The following ADGRV1 variants were observed in gnomAD, a reference collection of about 807,000 sequenced individuals.
ADGRV1 encodes the protein G-protein coupled receptor 98.
ADGRV1 carries 359 observed loss-of-function variants against 596.2 expected under a neutral mutation model. That is an observed-to-expected ratio of 0.60 (90% confidence interval 0.55 to 0.66). The LOEUF (loss-of-function observed/expected upper bound fraction) is 0.66. ADGRV1 is among the 30% of genes least tolerant of loss of function. The pLI is 0.00. For missense variants in ADGRV1, 7,274 were observed against 7,575.6 expected (o/e 0.96, Z 1.48); for synonymous variants, 2,681 against 2,679.2 (o/e 1.00, Z -0.02).
chr5:90,671,669 T>C (rs1772482997), intron 21 of ADGRV1, among the ~76,000 whole-genome samples: 1 of 152,216 alleles, frequency 6.6e-6, no homozygotes, highest in African/African-American at 2.4e-5. Context: ...ATATGAAAAA[T>C]ACAGATGGCA....
At chr5:90,777,336 A>G (rs1394761389) in intron 61 of ADGRV1, among the ~76,000 whole-genome samples, 2 of 152,168 alleles carry the variant, frequency 1.3e-5, no homozygotes, top group Non-Finnish European at 2.9e-5. Flanking sequence ...ACACTTCAAC[A>G]TGAGATTTAT....
intron 44 of ADGRV1, among the ~76,000 whole-genome samples, chr5:90,720,657 CTA>C (rs1253738034): frequency 1.3e-5 from 2 of 151,954 alleles, no homozygotes; most frequent in African/African-American, 2.4e-5. Flanking sequence ...TTTAATAGAT[CTA>C]GTTTCATTAA....
intron 22 of ADGRV1, among the ~76,000 whole-genome samples, chr5:90,673,763 GA>G (rs1443958919): frequency 6.6e-6 from 1 of 152,090 alleles, no homozygotes; most frequent in Non-Finnish European, 1.5e-5. Context: ...TCACTTTGGG[GA>G]TTAGATTTTA....
intron 33 of ADGRV1, among the ~76,000 whole-genome samples, chr5:90,696,490 G>GT (rs1301353575): frequency 1.3e-5 from 2 of 151,998 alleles, no homozygotes; most frequent in Non-Finnish European, 2.9e-5. Context: ...AGTGTTCCTG[G>GT]TTTTTCAGGA....
At chr5:90,709,596 A>C (rs1454469287) in intron 39 of ADGRV1, among the ~76,000 whole-genome samples, 6 of 152,210 alleles carry the variant, frequency 3.9e-5, no homozygotes, top group African/African-American at 1.4e-4. Context: ...AAAGGAAGAG[A>C]AGCATGGCCA....
Position 90,807,670 on chromosome 5 carries a change from T to G in ADGRV1, c.14905T>G (p.Trp4969Gly), listed in dbSNP as rs7729495. The change falls in exon 73 of 90, where the codon TGG (tryptophan) becomes GGG (glycine). Residue 4969 changes from tryptophan (W) to glycine (G), a missense_variant. Around this residue, in one of 5 missense-constraint regions of ADGRV1, gnomAD observed 1,874 missense variants for 1,970.2 expected, o/e 0.95. Coordinates refer to ENST00000405460, the MANE Select transcript of ADGRV1 (RefSeq NM_032119.4). Reference sequence around the variant, plus strand: ...CCTGTGGACGTTTCCTAGCCCTGGTTGGCCAGAGGCCTTTGTTCTTCACCT... The same window carrying G: ...CCTGTGGACGTTTCCTAGCCCTGGTGGGCCAGAGGCCTTTGTTCTTCACCT... Reference protein sequence around the residue: ...VFLWTFPSPGWPEAFVLHLSG... With the variant: ...VFLWTFPSPGGPEAFVLHLSG... 7 of 1,612,480 alleles carry G rather than the reference T, an allele frequency of 4.3e-6. No homozygotes were observed. The African/African-American group carries it at 8.0e-5, about 18-fold the overall frequency.
intron 1 of ADGRV1, among the ~76,000 whole-genome samples, chr5:90,603,064 T>C (rs1761614425): frequency 6.6e-6 from 1 of 152,236 alleles, no homozygotes; most frequent in African/African-American, 2.4e-5. Context: ...AAAAGTACTG[T>C]TCTCCTTCTC....
chr5:90,809,293 T>TACACACACACACACACACACAC (rs60659185), intron 73 of ADGRV1, among the ~76,000 whole-genome samples: 1,361 of 134,586 alleles, frequency 0.01, 27 homozygotes, highest in African/African-American at 0.013. Context: ...CGGGCATAAA[T>TACACACACACACACACACACAC]ACACACACAC....
chr5:90,872,804 G>A (rs1300676826), intron 83 of ADGRV1, among the ~76,000 whole-genome samples: 1 of 152,152 alleles, frequency 6.6e-6, no homozygotes, highest in Non-Finnish European at 1.5e-5. Flanking sequence ...GACCCCGGTA[G>A]TGCTTCTTCC....
At chr5:90,676,058 G>T in intron 24 of ADGRV1, 22 bp from the exon 25 acceptor site, 4 of 1,568,418 alleles carry the variant, frequency 2.6e-6, no homozygotes, top group South Asian at 1.2e-5. Context: ...GTAATCTAAT[G>T]GATCAGTCTT....
rs1484660772 is a variant in ADGRV1 at position 90,872,785 on chromosome 5, G to A, written c.17856+8928G>A. Among the ~76,000 whole-genome samples, 3 of 152,264 alleles carry A rather than the reference G, an allele frequency of 2.0e-5. No homozygotes were observed. The East Asian group carries it at 5.8e-4, about 29-fold the overall frequency. ...CCCTTCTCCACCCCTTTACAGAGGA[G>A]CCCTCAGAGACCCCGGTAGTGCTTC... On this transcript the variant is annotated intron_variant, in intron 83 of 89. Coordinates refer to ENST00000405460, the MANE Select transcript of ADGRV1 (RefSeq NM_032119.4).
At chr5:90,565,138 G>T (rs911694265) in intron 1 of ADGRV1, among the ~76,000 whole-genome samples, 1 of 152,134 alleles carries the variant, frequency 6.6e-6, no homozygotes, top group African/African-American at 2.4e-5. Flanking sequence ...TTGGGAGGCT[G>T]AGTCAAGAGA....
intron 85 of ADGRV1, among the ~76,000 whole-genome samples, chr5:91,031,953 TAAC>T (rs1369846182): frequency 6.6e-6 from 1 of 152,166 alleles, no homozygotes; most frequent in Non-Finnish European, 1.5e-5. Flanking sequence ...CGTGATATAT[TAAC>T]AAGATAATAA....
At chr5:90,627,963 A>ACACAC (rs1368368997) in intron 7 of ADGRV1, 187 bp downstream of exon 7, 11 of 224,098 alleles carry the variant, frequency 4.9e-5, no homozygotes, top group Non-Finnish European at 7.6e-5. Context: ...CACACACACA[A>ACACAC]GAATATGTCA....
At chr5:90,696,256 C>T (rs914294698) in intron 33 of ADGRV1, among the ~76,000 whole-genome samples, 1 of 152,106 alleles carries the variant, frequency 6.6e-6, no homozygotes, top group African/African-American at 2.4e-5. Flanking sequence ...GGTGCCCTAT[C>T]TACTAGATCA....
At chr5:90,925,148 T>A (rs1283311152) in intron 83 of ADGRV1, among the ~76,000 whole-genome samples, 1 of 152,140 alleles carries the variant, frequency 6.6e-6, no homozygotes, top group Non-Finnish European at 1.5e-5. Context: ...TTTAAAGTAG[T>A]TTTTTCCAAT....
chr5:90,941,197 G>A (rs1236741830), intron 83 of ADGRV1, among the ~76,000 whole-genome samples: 1 of 150,758 alleles, frequency 6.6e-6, no homozygotes, highest in Admixed American at 6.6e-5. Context: ...CCTTCAAAAC[G>A]ATATCTAGTT....
At chr5:90,824,110 T>C (rs1295169245) in intron 76 of ADGRV1, among the ~76,000 whole-genome samples, 1 of 151,106 alleles carries the variant, frequency 6.6e-6, no homozygotes, top group Non-Finnish European at 1.5e-5. Flanking sequence ...TATATTACAA[T>C]AACATTTCTT....
intron 86 of ADGRV1, among the ~76,000 whole-genome samples, chr5:91,081,356 ACTATTACAGCTGTCT>A (rs1409338875): frequency 2.0e-5 from 3 of 152,106 alleles, no homozygotes; most frequent in African/African-American, 7.2e-5. Context: ...TCATCCTTAG[ACTATTACAGCTGTCT>A]TGAGACCAAT....
Sources: allele counts gnomAD v4.1 joint callset (sites outside exome capture counted in the v4.1 genomes callset), GRCh38; gene constraint gnomAD v4.1.1; regional missense constraint gnomAD v4.1.1; transcripts MANE v1.5; gene names NCBI Gene and HGNC (gene_info 2026-07-23, HGNC 2026-07-21).